The following KCNAB1 variants were observed in gnomAD, a reference collection of about 807,000 sequenced individuals.
KCNAB1 encodes the protein potassium voltage-gated channel subfamily A regulatory beta subunit 1.
In KCNAB1, 35 loss-of-function variants were observed where a neutral mutation model predicts 64.6. The ratio of observed to expected loss-of-function variants is 0.54; its 90% CI spans 0.41 to 0.72. The LOEUF (loss-of-function observed/expected upper bound fraction) is 0.72. Ranked by LOEUF, KCNAB1 falls within the 30% of genes least tolerant of loss-of-function variation. The probability of loss-of-function intolerance (pLI) is 0.00; values close to 1 mark genes in which losing one functional copy is unlikely to be tolerated. For missense variants in KCNAB1, 401 were observed against 512.9 expected (o/e 0.78, Z 2.11); for synonymous variants, 177 against 183.8 (o/e 0.96, Z 0.30).
chr3:156,128,091 A>G (rs1713769966), intron 1 of KCNAB1, among the ~76,000 whole-genome samples: 1 of 152,156 alleles, frequency 6.6e-6, no homozygotes, highest in African/African-American at 2.4e-5. Flanking sequence ...CGCTACAGGG[A>G]ATGGGCTCAT....
chr3:156,198,093 T>C (rs906550865), intron 1 of KCNAB1, among the ~76,000 whole-genome samples: 100 of 152,182 alleles, frequency 6.6e-4, no homozygotes, highest in African/African-American at 2.3e-3. Flanking sequence ...TGTAGTTGCA[T>C]GGTTTTGAGT....
chr3:156,339,789 G>A (rs760887886), intron 1 of KCNAB1, among the ~76,000 whole-genome samples: 3 of 152,128 alleles, frequency 2.0e-5, no homozygotes, highest in African/African-American at 7.2e-5. Context: ...GGGCTCCCAC[G>A]TCTTCCAGGG....
chr3:156,419,278 G>T (rs1211487319), intron 1 of KCNAB1, among the ~76,000 whole-genome samples: 2 of 152,066 alleles, frequency 1.3e-5, no homozygotes, highest in Non-Finnish European at 2.9e-5. Flanking sequence ...CGAGGCAGGT[G>T]GATCACGAGG....
intron 8 of KCNAB1, among the ~76,000 whole-genome samples, chr3:156,489,436 G>C (rs1715477366): frequency 1.3e-5 from 2 of 152,114 alleles, no homozygotes; most frequent in East Asian, 3.9e-4. Flanking sequence ...TTACTGATAG[G>C]TCAAGTAAGA....
chr3:156,312,382 TG>T (rs1721967211), intron 1 of KCNAB1, among the ~76,000 whole-genome samples: 1 of 152,204 alleles, frequency 6.6e-6, no homozygotes, highest in Admixed American at 6.5e-5. Flanking sequence ...AGACTTTTCA[TG>T]TGCTAAAACC....
chr3:156,506,809 G>A (rs1716862511), intron 8 of KCNAB1, among the ~76,000 whole-genome samples: 1 of 152,070 alleles, frequency 6.6e-6, no homozygotes, highest in South Asian at 2.1e-4. Context: ...TTTAAGCTTT[G>A]ACAGATCAGA....
At chr3:156,209,574 T>A (rs1290607042) in intron 1 of KCNAB1, among the ~76,000 whole-genome samples, 2 of 152,232 alleles carry the variant, frequency 1.3e-5, no homozygotes, top group Non-Finnish European at 1.5e-5. Flanking sequence ...ATAGACTGCA[T>A]GCATTTCAGT....
chr3:156,485,377 T>G (rs1336228599), intron 8 of KCNAB1, among the ~76,000 whole-genome samples: 1 of 152,130 alleles, frequency 6.6e-6, no homozygotes, highest in Non-Finnish European at 1.5e-5. Flanking sequence ...TCTCTTGTTC[T>G]TTGCCATTGT....
chr3:156,310,614 T>C (rs816551), intron 1 of KCNAB1, among the ~76,000 whole-genome samples: 1,977 of 152,218 alleles, frequency 0.013, 16 homozygotes, highest in Middle Eastern at 0.027. Flanking sequence ...CCATCCTGGC[T>C]AACACAGTGA....
chr3:156,244,544 C>T (rs1300318664), intron 1 of KCNAB1, among the ~76,000 whole-genome samples: 1 of 151,874 alleles, frequency 6.6e-6, no homozygotes, highest in East Asian at 1.9e-4. Context: ...GTAATGACTT[C>T]CTTGGATCCT....
Position 156,516,278 on chromosome 3 carries a change from G to T in KCNAB1, c.874G>T (p.Ala292Ser). Residue 292 changes from alanine to serine, a missense_variant, in exon 11 of 14, where the codon GCA becomes TCA. Transcript: ENST00000490337. ...PELYHKIGVG[A>S]MTWSPLACGI... is the part of the protein sequence containing the mutation. ...AGTTTTTTCTTCTGTAGGTGTTGGC[G>T]CAATGACATGGTCTCCACTTGCCTG... The T allele has an allele frequency of 6.2e-7, 1 of 1,613,188 alleles. No individual in the cohort carries two copies. Among genetic ancestry groups the T allele is most frequent in the African/African-American group, 1.3e-5 (1 of 75,002 alleles).
chr3:156,282,038 G>A, intron 1 of KCNAB1, among the ~76,000 whole-genome samples: 1 of 151,162 alleles, frequency 6.6e-6, no homozygotes, highest in Non-Finnish European at 1.5e-5. Flanking sequence ...TGCTTTTCTA[G>A]TTCTTTCAAT....
intron 1 of KCNAB1, among the ~76,000 whole-genome samples, chr3:156,356,182 A>AAAAGAAAGAAAG (rs111752794): frequency 8.6e-5 from 13 of 150,712 alleles, no homozygotes; most frequent in African/African-American, 2.2e-4. Flanking sequence ...GAAAAAAAGA[A>AAAAGAAAGAAAG]AAAGAAAGAA....
chr3:156,237,579 T>C (rs1371423862), intron 1 of KCNAB1, among the ~76,000 whole-genome samples: 1 of 152,178 alleles, frequency 6.6e-6, no homozygotes, highest in Non-Finnish European at 1.5e-5. Context: ...ATTTGGGGGA[T>C]TGGAAGTTTT....
chr3:156,286,733 A>G (rs1720117197), intron 1 of KCNAB1, among the ~76,000 whole-genome samples: 2 of 152,234 alleles, frequency 1.3e-5, no homozygotes, highest in African/African-American at 4.8e-5. Context: ...TTATAAAAAT[A>G]TCGGGGTTTC....
chr3:156,347,245 AAAAT>A (rs1335444868), intron 1 of KCNAB1, among the ~76,000 whole-genome samples: 2 of 152,226 alleles, frequency 1.3e-5, no homozygotes, highest in African/African-American at 4.8e-5. Context: ...AGAGAAAAGA[AAAAT>A]AGAGCAGCAA....
At chr3:156,233,811 T>C (rs148120814) in intron 1 of KCNAB1, among the ~76,000 whole-genome samples, 11 of 151,602 alleles carry the variant, frequency 7.3e-5, no homozygotes, top group Non-Finnish European at 1.2e-4. Context: ...AAAAAAGAGG[T>C]GTCAAGGATG....
In KCNAB1 at chr3:156,149,620, C is replaced by G. The variant is rs574594885; in HGVS notation, c.275+28734C>G. On this transcript the variant is annotated intron_variant, in intron 1 of 13. Coordinates refer to ENST00000490337, the MANE Select transcript of KCNAB1 (RefSeq NM_172160.3). The stretch of plus-strand genomic sequence containing the variant: ...GATTTAAAGACAAGCTCTTCCCTCC[C>G]TCCTCTCATCCCCTGCTTCCTTATC... 2.6e-5 allele frequency among the ~76,000 whole-genome samples: 4 copies of G among 152,260 alleles called. No homozygotes were observed. The South Asian group carries it at 8.3e-4, about 32-fold the overall frequency.
intron 1 of KCNAB1, among the ~76,000 whole-genome samples, chr3:156,122,894 T>G (rs544517544): frequency 6.6e-6 from 1 of 152,324 alleles, no homozygotes; most frequent in Middle Eastern, 3.4e-3. Context: ...CAGCAACTTT[T>G]TTACCTCTCA....
Sources: gnomAD v4.1 joint callset for allele counts (sites outside exome capture counted in the v4.1 genomes callset) on GRCh38, gnomAD v4.1.1 for gene constraint, MANE v1.5 for transcripts, NCBI Gene and HGNC (gene_info 2026-07-23, HGNC 2026-07-21) for gene names.